WWOX: variants seen among roughly 807,000 people sequenced by gnomAD.
The protein encoded by WWOX is WW domain-containing oxidoreductase.
Under a neutral mutation model 46.2 loss-of-function variants are expected in WWOX, and 69 were observed. The ratio of observed to expected loss-of-function variants is 1.49; its 90% CI spans 1.23 to 1.82. WWOX has a LOEUF of 1.82. Ranked by LOEUF, WWOX falls within the 40% of genes most tolerant of loss-of-function variation. WWOX has a pLI of 0.00. For missense variants in WWOX, 919 were observed against 542.6 expected (o/e 1.69, Z -6.89); for synonymous variants, 359 against 202.6 (o/e 1.77, Z -6.56).
At chr16:78,740,489 G>C (rs920899633) in intron 8 of WWOX, among the ~76,000 whole-genome samples, 11 of 152,272 alleles carry the variant, frequency 7.2e-5, no homozygotes, top group African/African-American at 2.4e-4. Context: ...GATTTCCGTT[G>C]CCCTCTGACC....
chr16:78,286,872 G>C (rs1046753237), intron 5 of WWOX, among the ~76,000 whole-genome samples: 1 of 152,130 alleles, frequency 6.6e-6, no homozygotes, highest in Non-Finnish European at 1.5e-5. Context: ...TATATTCATA[G>C]TTAATTTATC....
intron 4 of WWOX, among the ~76,000 whole-genome samples, chr16:78,142,260 A>G (rs2034014822): frequency 6.6e-6 from 1 of 152,314 alleles, no homozygotes; most frequent in South Asian, 2.1e-4. Context: ...AAAAAGCAAA[A>G]TAGTTACTGC....
intron 8 of WWOX, among the ~76,000 whole-genome samples, chr16:79,064,704 C>T (rs746123128): frequency 6.6e-6 from 1 of 152,178 alleles, no homozygotes; most frequent in African/African-American, 2.4e-5. Flanking sequence ...AGAGAGTCAG[C>T]CCTGAGGGAG....
chr16:78,284,916 C>T lies in WWOX; in HGVS notation c.517-101944C>T, dbSNP rs1454940875. Among the ~76,000 whole-genome samples the T allele has an allele frequency of 2.0e-5, 3 of 152,160 alleles. No individual in the cohort carries two copies. In the East Asian group the frequency reaches 5.8e-4, roughly 29 times the overall value. On this transcript the variant is annotated intron_variant, in intron 5 of 8. Transcript: ENST00000566780. The stretch of plus-strand genomic sequence containing the variant: ...GTATTAGTTTCGTTTTCTCAAGATA[C>T]ATATTTAACAACTAGCAAAATGTTG...
intron 8 of WWOX, among the ~76,000 whole-genome samples, chr16:78,810,665 G>C (rs1448809464): frequency 6.6e-6 from 1 of 152,184 alleles, no homozygotes; most frequent in African/African-American, 2.4e-5. Context: ...TAATTGTTAA[G>C]CCTGCCTAAT....
Position 79,101,726 on chromosome 16 carries a change from T to C in WWOX, c.1057-109882T>C, listed in dbSNP as rs551205782. On this transcript the variant is annotated intron_variant, in intron 8 of 8. Transcript: ENST00000566780. ...TCATTTCTCATCCTCTCTCTCTTTC[T>C]CTGTATTACTTAGCCTTAAAAAAAA... 4.7e-5 allele frequency: 7 copies of C among 149,148 alleles called. No homozygotes were observed. In the East Asian group the frequency reaches 7.9e-4, roughly 17 times the overall value. 9.2% of individuals were successfully genotyped at this position (149,148 alleles called of 1,614,324 possible).
intron 8 of WWOX, among the ~76,000 whole-genome samples, chr16:79,053,317 A>G (rs1432468581): frequency 1.3e-5 from 2 of 152,148 alleles, no homozygotes; most frequent in African/African-American, 2.4e-5. Context: ...ACCCGAATGA[A>G]GCCGTTTTAA....
chr16:78,804,699 A>C (rs1597641080), intron 8 of WWOX, among the ~76,000 whole-genome samples: 2 of 151,952 alleles, frequency 1.3e-5, no homozygotes, highest in East Asian at 3.9e-4. Context: ...TTTTTTTTCT[A>C]ATTTAGTGCT....
chr16:78,991,896 T>C (rs2046894723), intron 8 of WWOX, among the ~76,000 whole-genome samples: 1 of 152,160 alleles, frequency 6.6e-6, no homozygotes, highest in Admixed American at 6.5e-5. Context: ...CCTCCATAAA[T>C]GTTCCTTTGT....
intron 6 of WWOX, among the ~76,000 whole-genome samples, chr16:78,389,123 C>T (rs2082123552): frequency 6.6e-6 from 1 of 152,218 alleles, no homozygotes; most frequent in Non-Finnish European, 1.5e-5. Flanking sequence ...GATAACATCC[C>T]CCAGCCAGCC....
intron 8 of WWOX, among the ~76,000 whole-genome samples, chr16:79,010,519 C>G (rs1463334498): frequency 6.6e-6 from 1 of 152,102 alleles, no homozygotes; most frequent in Non-Finnish European, 1.5e-5. Flanking sequence ...GGGAATAAGC[C>G]AGATTAAAGC....
chr16:78,884,801 G>C (rs2044419133), intron 8 of WWOX, among the ~76,000 whole-genome samples: 1 of 152,230 alleles, frequency 6.6e-6, no homozygotes, highest in Admixed American at 6.5e-5. Flanking sequence ...TTTTTTGCAT[G>C]TATATTTTAC....
At chr16:79,062,432 A>C (rs562710929) in intron 8 of WWOX, among the ~76,000 whole-genome samples, 1 of 152,224 alleles carries the variant, frequency 6.6e-6, no homozygotes, top group Admixed American at 6.5e-5. Flanking sequence ...CAGGGAACCA[A>C]GGCCTTTCAA....
intron 6 of WWOX, among the ~76,000 whole-genome samples, chr16:78,388,995 G>A (rs1392836638): frequency 1.3e-5 from 2 of 150,884 alleles, no homozygotes; most frequent in East Asian, 3.9e-4. Flanking sequence ...AATTGACTCA[G>A]GCTCTTGCTG....
intron 5 of WWOX, among the ~76,000 whole-genome samples, chr16:78,287,244 T>G (rs1248263327): frequency 6.6e-6 from 1 of 152,246 alleles, no homozygotes; most frequent in Non-Finnish European, 1.5e-5. Flanking sequence ...TGTTGTTGTT[T>G]TTTCTTTTCT....
At chr16:78,523,080 T>A (rs946443361) in intron 8 of WWOX, among the ~76,000 whole-genome samples, 1 of 151,880 alleles carries the variant, frequency 6.6e-6, no homozygotes, top group African/African-American at 2.4e-5. Context: ...CCCAAAAAAA[T>A]AAATAAATAA....
At chr16:79,160,106 C>G (rs199633457) in intron 8 of WWOX, among the ~76,000 whole-genome samples, 2 of 152,304 alleles carry the variant, frequency 1.3e-5, no homozygotes, top group East Asian at 1.9e-4. Context: ...AGCACATTGT[C>G]TAAATTCACT....
chr16:78,334,798 A>ACACG (rs1330294615), intron 5 of WWOX, among the ~76,000 whole-genome samples: 15 of 66,534 alleles, frequency 2.3e-4, no homozygotes, highest in African/African-American at 8.9e-4. Flanking sequence ...CCCTCCACAC[A>ACACG]CACACACACG....
chr16:78,379,246 G>A (rs557741820), intron 5 of WWOX, among the ~76,000 whole-genome samples: 6 of 152,202 alleles, frequency 3.9e-5, no homozygotes, highest in Non-Finnish European at 7.3e-5. Context: ...TTTTCCGTAT[G>A]TGTAAGGGAG....
Sources: allele counts gnomAD v4.1 joint callset (sites outside exome capture counted in the v4.1 genomes callset), GRCh38; gene constraint gnomAD v4.1.1; transcripts MANE v1.5; gene names NCBI Gene and HGNC (gene_info 2026-07-23, HGNC 2026-07-21).